SLC25A27: variants seen among roughly 807,000 people sequenced by gnomAD.
SLC25A27 encodes the protein mitochondrial uncoupling protein 4.
In SLC25A27, 35 loss-of-function variants were observed where a neutral mutation model predicts 49.1. The observed-to-expected ratio is 0.71, with a 90% CI of 0.54 to 0.95. The LOEUF (loss-of-function observed/expected upper bound fraction) is 0.95, where lower values mean the gene tolerates loss of function less well. SLC25A27 is among the 40% of genes least tolerant of loss of function. The pLI is 0.00. For synonymous variants in SLC25A27, 144 were observed against 136.9 expected, an observed-to-expected ratio of 1.05 and a Z score of -0.36; for missense variants, 339 against 397.1, an observed-to-expected ratio of 0.85 and a Z score of 1.24.
At chr6:46,671,072 C>T in intron 7 of SLC25A27, 54 bp from the exon 8 acceptor site, 2 of 1,185,260 alleles carry the variant, frequency 1.7e-6, no homozygotes, top group East Asian at 2.5e-5. Flanking sequence ...TTTTTATGTA[C>T]ATATATATTT....
At position 46,656,003 on chromosome 6, in the gene SLC25A27, A is replaced by G; in HGVS notation, c.267A>G (p.Gln89=). The stretch of plus-strand genomic sequence containing the variant: ...AGGAAGGCTTTCTAAAGCTTTGGCA[A>G]GGAGTGACACCCGCCATTTACAGAC... ...IEEEGFLKLW[Q]GVTPAIYRHV... The change falls in exon 2 of 9, where the codon CAA becomes CAG. Residue 89 remains glutamine, a synonymous_variant. Transcript: ENST00000371347. 6.2e-7 allele frequency: 1 copy of G among 1,611,726 alleles called. No homozygotes were observed. The highest frequency in any genetic ancestry group is 8.5e-7 in the Non-Finnish European group (1 of 1,179,180).
At chr6:46,665,510 C>G (rs572144788) in intron 5 of SLC25A27, among the ~76,000 whole-genome samples, 3 of 152,136 alleles carry the variant, frequency 2.0e-5, no homozygotes, top group East Asian at 3.9e-4. Context: ...ATGGTGAAAC[C>G]CCGTCTCTAC....
chr6:46,673,391 C>T (rs1162540398), intron 8 of SLC25A27, among the ~76,000 whole-genome samples: 1 of 152,186 alleles, frequency 6.6e-6, no homozygotes, highest in Non-Finnish European at 1.5e-5. Context: ...GGTGGCCTGA[C>T]ACCCAATAAC....
chr6:46,676,184 TAGAGA>T (rs959406689), intron 8 of SLC25A27, among the ~76,000 whole-genome samples, 194 bp from the exon 9 acceptor site: 1 of 152,224 alleles, frequency 6.6e-6, no homozygotes, highest in Non-Finnish European at 1.5e-5. Flanking sequence ...AGATGTTGTT[TAGAGA>T]AATCTGTGAT....
At chr6:46,655,327 A>G (rs1376943969) in intron 1 of SLC25A27, among the ~76,000 whole-genome samples, 1 of 152,198 alleles carries the variant, frequency 6.6e-6, no homozygotes. Context: ...AGCATTTGTT[A>G]TAGTACATAA....
At chr6:46,671,323 T>C in intron 8 of SLC25A27, 95 bp downstream of exon 8, 1 of 658,076 alleles carries the variant, frequency 1.5e-6, no homozygotes, top group East Asian at 3.3e-5. Context: ...GTTTGAAGCA[T>C]GGCCCTGCCC....
At position 46,655,816 on chromosome 6, in the gene SLC25A27, T is replaced by C. The variant is rs368036666; in HGVS notation, c.107-27T>C. On this transcript the variant is annotated intron_variant, in intron 1 of 8. Transcript: ENST00000371347. ...GTTTGTTTCTCTGAATGTTGTGGGT[T>C]TTTCCCTGCATTTGTGTTTTTGTTA... is the stretch of plus-strand genomic sequence containing the variant. 3,437 of 1,603,094 alleles carry C rather than the reference T, an allele frequency of 2.1e-3. 79 individuals carry two copies. The South Asian group carries it at 0.034, about 16-fold the overall frequency.
chr6:46,669,727 T>G (rs1271989385), intron 6 of SLC25A27, among the ~76,000 whole-genome samples: 1 of 152,236 alleles, frequency 6.6e-6, no homozygotes, highest in Non-Finnish European at 1.5e-5. Context: ...CACTCAATTC[T>G]GCTGTCACCC....
At position 46,661,762 on chromosome 6, in the gene SLC25A27, T is replaced by C. The variant is rs540741857; in HGVS notation, c.384-614T>C. ...GACAGCACTGTCATGAGGGTTGATA[T>C]GAGAATGAAATGGTATTTTTAAAAT... On this transcript the variant is annotated intron_variant, in intron 3 of 8. Coordinates refer to ENST00000371347, the MANE Select transcript of SLC25A27 (RefSeq NM_004277.5). Among the ~76,000 whole-genome samples the C allele has an allele frequency of 2.6e-4, 39 of 152,310 alleles. No individual in the cohort carries two copies. The Middle Eastern group carries it at 0.014, about 53-fold the overall frequency.
At chr6:46,672,615 C>T (rs777566948) in intron 8 of SLC25A27, among the ~76,000 whole-genome samples, 33 of 152,058 alleles carry the variant, frequency 2.2e-4, no homozygotes, top group Non-Finnish European at 4.1e-4. Context: ...AGACTTCATT[C>T]CCAGATTCCT....
chr6:46,656,944 T>C (rs1213475937), intron 2 of SLC25A27, among the ~76,000 whole-genome samples: 1 of 152,162 alleles, frequency 6.6e-6, no homozygotes, highest in Non-Finnish European at 1.5e-5. Flanking sequence ...GGCGGGATAA[T>C]TGCTTGAGCC....
intron 3 of SLC25A27, among the ~76,000 whole-genome samples, chr6:46,660,220 A>G (rs1050750886): frequency 6.1e-5 from 2 of 32,618 alleles, no homozygotes; most frequent in South Asian, 3.4e-3. Flanking sequence ...ACTGTTCTTC[A>G]CCTCTGTGTC....
intron 2 of SLC25A27, chr6:46,658,629 T>G (rs1763065184): frequency 2.6e-6 from 1 of 385,984 alleles, no homozygotes; most frequent in African/African-American, 2.1e-5. Context: ...AGTTAATTTC[T>G]AATCAATATG....
At chr6:46,654,387 A>C (rs1478797027) in intron 1 of SLC25A27, among the ~76,000 whole-genome samples, 1 of 152,172 alleles carries the variant, frequency 6.6e-6, no homozygotes, top group Non-Finnish European at 1.5e-5. Context: ...CCTTTCGAAA[A>C]TGATGGAGAA....
intron 3 of SLC25A27, among the ~76,000 whole-genome samples, chr6:46,659,913 TTATA>T (rs1191398380): frequency 6.7e-6 from 1 of 150,182 alleles, no homozygotes; most frequent in Non-Finnish European, 1.5e-5. Flanking sequence ...ATATATAAAA[TTATA>T]TAACCTCTCA....
At chr6:46,658,057 C>T (rs1184981771) in intron 2 of SLC25A27, among the ~76,000 whole-genome samples, 1 of 152,172 alleles carries the variant, frequency 6.6e-6, no homozygotes, top group African/African-American at 2.4e-5. Context: ...TTTTTCTCCT[C>T]ATAATGTTTC....
At chr6:46,669,443 C>T (rs1469079878) in intron 6 of SLC25A27, among the ~76,000 whole-genome samples, 1 of 152,156 alleles carries the variant, frequency 6.6e-6, no homozygotes, top group Non-Finnish European at 1.5e-5. Context: ...GTCTACTGTC[C>T]TTGACATTAT....
chr6:46,674,069 C>G (rs1763661086), intron 8 of SLC25A27, among the ~76,000 whole-genome samples: 1 of 151,940 alleles, frequency 6.6e-6, no homozygotes, highest in African/African-American at 2.4e-5. Flanking sequence ...ATGAGTGAGA[C>G]CATTGCAGAA....
chr6:46,668,619 G>T, intron 5 of SLC25A27, 90 bp from the exon 6 acceptor site: 2 of 746,366 alleles, frequency 2.7e-6, no homozygotes, highest in Non-Finnish European at 4.8e-6. Context: ...TTTCATCCTG[G>T]TACACATTCC....
Sources: allele counts gnomAD v4.1 joint callset (sites outside exome capture counted in the v4.1 genomes callset), GRCh38; gene constraint gnomAD v4.1.1; transcripts MANE v1.5; gene names NCBI Gene and HGNC (gene_info 2026-07-23, HGNC 2026-07-21).